Variants in SPRY1 observed in about 807,000 individuals in gnomAD.
SPRY1 encodes protein sprouty homolog 1.
SPRY1 carries 20 observed loss-of-function variants against 22.6 expected under a neutral mutation model. That is an observed-to-expected ratio of 0.89 (90% CI 0.62 to 1.29). The LOEUF (loss-of-function observed/expected upper bound fraction) is 1.29, where lower values mean the gene tolerates loss of function less well. Ranked by LOEUF, SPRY1 falls within the 50% of genes most tolerant of loss-of-function variation. SPRY1 has a pLI of 0.00. For missense variants in SPRY1, 446 were observed against 387.7 expected (o/e 1.15, Z -1.26); for synonymous variants, 155 against 144.7 (o/e 1.07, Z -0.51).
Position 123,401,626 on chromosome 4 carries a change from C to G in SPRY1, c.35C>G (p.Ser12Trp). The change falls in exon 3 of 3, where the codon TCG becomes TGG. Residue 12 changes from serine (S) to tryptophan (W), a missense_variant. Coordinates refer to ENST00000651917, the MANE Select transcript of SPRY1 (RefSeq NM_001258038.2). ...CAAAATCAACATGGCAGTGGCAGTT[C>G]GTTAGTTGTGATCCAGCAGCCTTCT... ...DPQNQHGSGS[S>W]LVVIQQPSLD... 1 of 1,614,092 alleles carries G rather than the reference C, an allele frequency of 6.2e-7. No homozygotes were observed.
rs1579159867 is a variant in SPRY1 at position 123,402,294 on chromosome 4, G to A, written c.703G>A (p.Asp235Asn). 6.2e-7 allele frequency: 1 copy of A among 1,614,246 alleles called. No homozygotes were observed. Among genetic ancestry groups the A allele is most frequent in the Non-Finnish European group, 8.5e-7 (1 of 1,180,034 alleles). Residue 235 changes from aspartate (D) to asparagine (N), a missense_variant, in exon 3 of 3, where the codon GAC becomes AAC. By Grantham distance (23) the Asp-to-Asn change is conservative. Coordinates refer to ENST00000651917, the MANE Select transcript of SPRY1 (RefSeq NM_001258038.2). ...VKGIFYHCSNDDEGDSYSDNP... is the reference protein window; with the variant it reads ...VKGIFYHCSNNDEGDSYSDNP... The stretch of plus-strand genomic sequence containing the variant: ...GGGCATCTTCTACCACTGCTCCAAT[G>A]ACGACGAAGGGGATTCCTATTCAGA...
chr4:123,399,336 A>G (rs1362292484), intron 2 of SPRY1, among the ~76,000 whole-genome samples: 1 of 151,736 alleles, frequency 6.6e-6, no homozygotes, highest in Non-Finnish European at 1.5e-5. Context: ...AGGTCGCGCC[A>G]CTGCACTCCA....
Position 123,402,460 on chromosome 4 carries a change from TC to T in SPRY1, c.871del (p.His291IlefsTer85). The T allele has an allele frequency of 6.2e-7, 1 of 1,614,192 alleles. No individual in the cohort carries two copies. Among genetic ancestry groups the T allele is most frequent in the Non-Finnish European group, 8.5e-7 (1 of 1,180,030 alleles). ...CTGTGCAGGAGGTGTTATGACTGGA[TC>T]CATCGCCCAGGGTGCAGATGTAAGA... ...LKLCRRCYDWIHRPGCRCKNS... is the reference protein window; with the variant it reads ...LKLCRRCYDWXHRPGCRCKNS... On this transcript the variant is annotated frameshift_variant, in exon 3 of 3. Transcript: ENST00000651917. LOFTEE classifies it high-confidence loss of function.
chr4:123,401,012 AAG>A lies in SPRY1; in HGVS notation c.-55-522_-55-521del, dbSNP rs1342836874. Among the ~76,000 whole-genome samples, 5 of 152,304 alleles carry A rather than the reference AAG, an allele frequency of 3.3e-5. No individual in the cohort carries two copies. In the East Asian group the frequency reaches 9.6e-4, roughly 29 times the overall value. ...ACCTATTATTTTGCGATTTCATTTT[AAG>A]AGTCTCAATTTTTTAATGCCTTAAT... On this transcript the variant is annotated intron_variant, in intron 2 of 2. Coordinates refer to ENST00000651917, the MANE Select transcript of SPRY1 (RefSeq NM_001258038.2).
Position 123,401,510 on chromosome 4 carries a change from T to C in SPRY1, c.-55-27T>C, listed in dbSNP as rs1725150033. 3.9e-6 allele frequency: 6 copies of C among 1,522,854 alleles called. No homozygotes were observed. In the South Asian group the frequency reaches 5.2e-5, roughly 13 times the overall value. 94.3% of individuals were successfully genotyped at this position (1,522,854 alleles called of 1,614,324 possible). ...AATGCTTCCTGTCATTTATTTTCTG[T>C]TTTTTTCATCTTTGATTTCGTTTTA... On this transcript the variant is annotated intron_variant, in intron 2 of 2. Transcript: ENST00000651917.
At position 123,403,371 on chromosome 4, in the gene SPRY1, A is replaced by G. The variant is rs1180822841; in HGVS notation, c.*820A>G. 6.0e-6 allele frequency: 1 copy of G among 167,084 alleles called. No individual in the cohort carries two copies. Among genetic ancestry groups the G allele is most frequent in the Non-Finnish European group, 1.5e-5 (1 of 68,118 alleles). 10.4% of individuals were successfully genotyped at this position (167,084 alleles called of 1,614,324 possible). On this transcript the variant is annotated 3_prime_UTR_variant, in exon 3 of 3. Coordinates refer to ENST00000651917, the MANE Select transcript of SPRY1 (RefSeq NM_001258038.2). ...TGATATTTATAGCTGATCAATCTATATGTGTCACAGAACTATGCTGCCTAA... is the reference window on the plus strand; with the variant it reads ...TGATATTTATAGCTGATCAATCTATGTGTGTCACAGAACTATGCTGCCTAA...
At position 123,402,638 on chromosome 4, in the gene SPRY1, G is replaced by T; in HGVS notation, c.*87G>T. 1.3e-6 allele frequency: 2 copies of T among 1,499,072 alleles called. No individual in the cohort carries two copies. The highest frequency in any genetic ancestry group is 1.8e-6 in the Non-Finnish European group (2 of 1,122,090). 92.9% of individuals were successfully genotyped at this position (1,499,072 alleles called of 1,614,324 possible). ...TTTGTTTTTGTTTTTGTTTTCTTTA[G>T]AATTTTTCCCTGTTTCCCACCTTCT... On this transcript the variant is annotated 3_prime_UTR_variant, in exon 3 of 3. Transcript: ENST00000651917.
chr4:123,401,569 G>A lies in SPRY1; in HGVS notation c.-23G>A, dbSNP rs779689163. ...GATGCATGCCAGGTTTCCACTGATT[G>A]CCAGAACTCGAGATCACTACACATG... On this transcript the variant is annotated 5_prime_UTR_variant, in exon 3 of 3. Coordinates refer to ENST00000651917, the MANE Select transcript of SPRY1 (RefSeq NM_001258038.2). The A allele has an allele frequency of 1.3e-6, 2 of 1,596,046 alleles. No individual in the cohort carries two copies. Among genetic ancestry groups the A allele is most frequent in the Non-Finnish European group, 1.7e-6 (2 of 1,168,066 alleles).
At chr4:123,401,471 C>CT in intron 2 of SPRY1, 66 bp from the exon 3 acceptor site, 1 of 1,210,778 alleles carries the variant, frequency 8.3e-7, no homozygotes, top group African/African-American at 1.7e-5. Flanking sequence ...ACAGGATTCC[C>CT]CCCCCCCAAA....
Position 123,402,769 on chromosome 4 carries a change from G to C in SPRY1, c.*218G>C, listed in dbSNP as rs1725228564. The C allele has an allele frequency of 3.2e-6, 2 of 619,658 alleles. No individual in the cohort carries two copies. The highest frequency in any genetic ancestry group is 5.6e-6 in the Non-Finnish European group (2 of 356,450). The allele number at this position is 619,658 out of a possible 1,614,324, so 38.4% of individuals were successfully genotyped here. ...TGCACCTGGCTCCCACTTTCAACAA[G>C]AGCCTCTGCCATCCACTTGAGGGTA... On this transcript the variant is annotated 3_prime_UTR_variant, in exon 3 of 3. Coordinates refer to ENST00000651917, the MANE Select transcript of SPRY1 (RefSeq NM_001258038.2).
Position 123,401,761 on chromosome 4 carries a change from C to T in SPRY1, c.170C>T (p.Pro57Leu). Residue 57 changes from proline (P) to leucine (L), a missense_variant, in exon 3 of 3, where the codon CCT (proline) becomes CTT (leucine). Coordinates refer to ENST00000651917, the MANE Select transcript of SPRY1 (RefSeq NM_001258038.2). ...GGCAGCAATGAATACACAGAAGGGCCTTCGGTGGTGAAAAGACCTGCTCCT... is the reference window on the plus strand; with the variant it reads ...GGCAGCAATGAATACACAGAAGGGCTTTCGGTGGTGAAAAGACCTGCTCCT... ...IRGSNEYTEG[P>L]SVVKRPAPRT... 6.2e-7 allele frequency: 1 copy of T among 1,614,170 alleles called. No individual in the cohort carries two copies. The highest frequency in any genetic ancestry group is 8.5e-7 in the Non-Finnish European group (1 of 1,180,044).
rs902343752 is a variant in SPRY1 at position 123,402,145 on chromosome 4, G to A, written c.554G>A (p.Gly185Glu). Reference protein sequence around the residue: ...TQHKFICEQCGKCKCGECTAP... With the variant: ...TQHKFICEQCEKCKCGECTAP... Reference sequence around the variant, plus strand: ...CACAAGTTCATTTGTGAACAGTGTGGGAAGTGCAAGTGTGGAGAATGCACT... The same window carrying A: ...CACAAGTTCATTTGTGAACAGTGTGAGAAGTGCAAGTGTGGAGAATGCACT... Residue 185 changes from glycine to glutamate, a missense_variant, in exon 3 of 3, where the codon GGG becomes GAG. Coordinates refer to ENST00000651917, the MANE Select transcript of SPRY1 (RefSeq NM_001258038.2). 9 of 1,614,068 alleles carry A rather than the reference G, an allele frequency of 5.6e-6. No individual in the cohort carries two copies. Among genetic ancestry groups the A allele is most frequent in the Admixed American group, 1.7e-5 (1 of 60,002 alleles).
intron 2 of SPRY1, 50 bp from the exon 3 acceptor site, chr4:123,401,487 T>C: frequency 2.3e-6 from 3 of 1,331,334 alleles, no homozygotes; most frequent in Non-Finnish European, 3.0e-6. Context: ...CCAAAAAAAA[T>C]GCTTCCTGTC....
At chr4:123,399,063 G>A (rs1368484833) in intron 2 of SPRY1, among the ~76,000 whole-genome samples, 1 of 152,224 alleles carries the variant, frequency 6.6e-6, no homozygotes, top group Admixed American at 6.5e-5. Flanking sequence ...GGGGAAGGGA[G>A]AGGGCACTGC....
intron 2 of SPRY1, among the ~76,000 whole-genome samples, chr4:123,398,687 C>G (rs1380011943): frequency 1.3e-5 from 2 of 152,102 alleles, no homozygotes; most frequent in Non-Finnish European, 2.9e-5. Context: ...CGCTCCCTGC[C>G]CCCTGGGGGC....
At chr4:123,399,232 C>T (rs774256690) in intron 2 of SPRY1, among the ~76,000 whole-genome samples, 8 of 152,132 alleles carry the variant, frequency 5.3e-5, no homozygotes, top group Admixed American at 2.0e-4. Flanking sequence ...AAAAATTAGC[C>T]GGCCGTGGTG....
intron 2 of SPRY1, 119 bp from the exon 3 acceptor site, chr4:123,401,418 T>TGAAG: frequency 1.2e-6 from 1 of 803,542 alleles, no homozygotes; most frequent in Admixed American, 2.7e-5. Context: ...AATCCACTGA[T>TGAAG]GAAGGAGGTC....
At position 123,402,280 on chromosome 4, in the gene SPRY1, A is replaced by G; in HGVS notation, c.689A>G (p.Tyr230Cys). 1 of 1,614,222 alleles carries G rather than the reference A, an allele frequency of 6.2e-7. No homozygotes were observed. The highest frequency in any genetic ancestry group is 8.5e-7 in the Non-Finnish European group (1 of 1,180,032). ...ATGTGCTTAGTCAAGGGCATCTTCTACCACTGCTCCAATGACGACGAAGGG... is the reference window on the plus strand; with the variant it reads ...ATGTGCTTAGTCAAGGGCATCTTCTGCCACTGCTCCAATGACGACGAAGGG... ...TCMCLVKGIF[Y>C]HCSNDDEGDS... The change falls in exon 3 of 3, where the codon TAC (tyrosine) becomes TGC (cysteine). Residue 230 changes from tyrosine to cysteine, a missense_variant. Tyr to Cys is a radical substitution (Grantham distance 194). Coordinates refer to ENST00000651917, the MANE Select transcript of SPRY1 (RefSeq NM_001258038.2).
At position 123,402,623 on chromosome 4, in the gene SPRY1, T is replaced by C; in HGVS notation, c.*72T>C. ...TGGCTGTTTTTTGTTTTTGTTTTTG[T>C]TTTTGTTTTCTTTAGAATTTTTCCC... On this transcript the variant is annotated 3_prime_UTR_variant, in exon 3 of 3. Coordinates refer to ENST00000651917, the MANE Select transcript of SPRY1 (RefSeq NM_001258038.2). 1 of 1,521,060 alleles carries C rather than the reference T, an allele frequency of 6.6e-7. No individual in the cohort carries two copies. The allele number at this position is 1,521,060 out of a possible 1,614,324, so 94.2% of individuals were successfully genotyped here. A position where few individuals can be genotyped will look rare whatever the true frequency, so the allele number is the denominator to read the frequency against.
Sources: gnomAD v4.1 joint callset for allele counts (sites outside exome capture counted in the v4.1 genomes callset) on GRCh38, gnomAD v4.1.1 for gene constraint, MANE v1.5 for transcripts, NCBI Gene and HGNC (gene_info 2026-07-23, HGNC 2026-07-21) for gene names.